ME1: variants seen among roughly 807,000 people sequenced by gnomAD.
The protein encoded by ME1 is NADP-dependent malic enzyme.
In ME1, 74 loss-of-function variants were observed where a neutral mutation model predicts 66.4. That is an observed-to-expected ratio of 1.11 (90% confidence interval 0.92 to 1.35). The LOEUF is 1.35. Among genes scored for constraint, ME1 ranks in the 40% most tolerant of loss-of-function variants. The pLI, the probability that ME1 is intolerant of heterozygous loss-of-function variation, is 0.00. For synonymous variants in ME1, 251 were observed against 235.6 expected, an observed-to-expected ratio of 1.07 and a Z score of -0.60; for missense variants, 750 against 694.1, an observed-to-expected ratio of 1.08 and a Z score of -0.90.
rs547916972 is a variant in ME1 at position 83,225,736 on chromosome 6, C to A, written c.1275+1599G>T. On this transcript the variant is annotated intron_variant, in intron 11 of 13. Coordinates refer to ENST00000369705, the MANE Select transcript of ME1 (RefSeq NM_002395.6). ...AAAACATTTTGTTATAAACAACTTT[C>A]TAATGTAACTAAATTATTACTTCAT... is the stretch of plus-strand genomic sequence containing the variant. Among the ~76,000 whole-genome samples, 19 of 150,616 alleles carry A rather than the reference C, an allele frequency of 1.3e-4. No individual in the cohort carries two copies. The South Asian group carries it at 4.0e-3, about 31-fold the overall frequency.
chr6:83,418,766 C>T (rs906659912), intron 1 of ME1, among the ~76,000 whole-genome samples: 1 of 152,024 alleles, frequency 6.6e-6, no homozygotes, highest in African/African-American at 2.4e-5. Flanking sequence ...AAGAGCTTAA[C>T]AGGATATTAT....
At chr6:83,319,210 G>A (rs1262548686) in intron 5 of ME1, among the ~76,000 whole-genome samples, 3 of 151,116 alleles carry the variant, frequency 2.0e-5, no homozygotes, top group African/African-American at 2.4e-5. Context: ...GCTAGATGAC[G>A]AGTTAGTGGG....
intron 7 of ME1, among the ~76,000 whole-genome samples, chr6:83,246,256 C>A (rs1790620540): frequency 6.6e-6 from 1 of 151,986 alleles, no homozygotes; most frequent in African/African-American, 2.4e-5. Context: ...ACAATTGTGC[C>A]ATGTTTGATC....
rs556264306 is a variant in ME1, at chr6:83,305,913, T to A, written c.704+9397A>T. Among the ~76,000 whole-genome samples the A allele has an allele frequency of 7.9e-5, 12 of 152,302 alleles. No homozygotes were observed. The South Asian group carries it at 2.5e-3, about 32-fold the overall frequency. On this transcript the variant is annotated intron_variant, in intron 6 of 13. Transcript: ENST00000369705. ...TATGTACTTCATTCTAATATTGTTA[T>A]AAGATTTCCCCAAACCAGCCACATA...
intron 2 of ME1, among the ~76,000 whole-genome samples, chr6:83,403,896 G>A (rs574853745): frequency 3.3e-5 from 5 of 152,156 alleles, no homozygotes; most frequent in Non-Finnish European, 5.9e-5. Context: ...CATCCAGTCA[G>A]TCTATCATTG....
Position 83,299,421 on chromosome 6 carries a change from G to A in ME1, c.704+15889C>T, listed in dbSNP as rs556719530. Among the ~76,000 whole-genome samples the A allele has an allele frequency of 2.6e-5, 4 of 151,608 alleles. No individual in the cohort carries two copies. In the South Asian group the frequency reaches 6.2e-4, roughly 24 times the overall value. The stretch of plus-strand genomic sequence containing the variant: ...GCATTCGTCTATTTTTGGTGTATAG[G>A]AATGCTTGTGAATTTTGCACACTGA... On this transcript the variant is annotated intron_variant, in intron 6 of 13. Transcript: ENST00000369705.
At chr6:83,226,979 T>C (rs995917881) in intron 11 of ME1, among the ~76,000 whole-genome samples, 9 of 152,170 alleles carry the variant, frequency 5.9e-5, no homozygotes, top group African/African-American at 1.7e-4. Context: ...TGGTTTTACA[T>C]TGTATGCTTC....
intron 3 of ME1, chr6:83,392,374 C>G: frequency 1.9e-6 from 1 of 513,612 alleles, no homozygotes; most frequent in Non-Finnish European, 3.8e-6. Context: ...AGAACAACAG[C>G]TGCATCTTCT....
At chr6:83,247,692 A>G (rs1790650076) in intron 7 of ME1, among the ~76,000 whole-genome samples, 2 of 152,170 alleles carry the variant, frequency 1.3e-5, no homozygotes, top group South Asian at 2.1e-4. Flanking sequence ...TGGTAAGAAC[A>G]TAAGGTTAAA....
At chr6:83,273,176 C>CAAAAAA (rs67482208) in intron 6 of ME1, among the ~76,000 whole-genome samples, 1 of 70,156 alleles carries the variant, frequency 1.4e-5, no homozygotes, top group African/African-American at 5.1e-5. Context: ...GACTCTGCCT[C>CAAAAAA]AAAAAAAAAA....
intron 3 of ME1, among the ~76,000 whole-genome samples, chr6:83,353,054 C>A (rs781379746): frequency 6.6e-6 from 1 of 152,150 alleles, no homozygotes; most frequent in Non-Finnish European, 1.5e-5. Context: ...AAATCATAAA[C>A]CTTCCATAGG....
chr6:83,291,936 C>T (rs182332678), intron 6 of ME1, among the ~76,000 whole-genome samples: 6 of 152,102 alleles, frequency 3.9e-5, no homozygotes, highest in East Asian at 3.9e-4. Context: ...GTGTTTGCTT[C>T]GCGAAGTTCT....
rs535376756 is a variant in ME1 at position 83,313,762 on chromosome 6, A to G, written c.704+1548T>C. Among the ~76,000 whole-genome samples the G allele has an allele frequency of 1.8e-3, 239 of 131,084 alleles. 2 individuals are homozygous for G. Among genetic ancestry groups the G allele is most frequent in the African/African-American group, 6.1e-3 (216 of 35,502 alleles). 86.0% of individuals were successfully genotyped at this position (131,084 alleles called of 152,430 possible). ...TATTAGAAATTAACTGTATTATGTG[A>G]TCTCAAACTGCAGAGTTTCTCAACT... On this transcript the variant is annotated intron_variant, in intron 6 of 13. Coordinates refer to ENST00000369705, the MANE Select transcript of ME1 (RefSeq NM_002395.6).
At chr6:83,356,846 A>G (rs188927903) in intron 3 of ME1, among the ~76,000 whole-genome samples, 1 of 152,310 alleles carries the variant, frequency 6.6e-6, no homozygotes, top group Non-Finnish European at 1.5e-5. Flanking sequence ...ATTCTCCTAC[A>G]TAATCTTAAC....
At chr6:83,284,250 C>T (rs1767357321) in intron 6 of ME1, among the ~76,000 whole-genome samples, 2 of 151,966 alleles carry the variant, frequency 1.3e-5, no homozygotes, top group East Asian at 1.9e-4. Flanking sequence ...AAAAACCCTA[C>T]CAACCAAAAA....
intron 7 of ME1, among the ~76,000 whole-genome samples, chr6:83,241,430 TAGAC>T (rs1195890402): frequency 4.6e-5 from 7 of 152,174 alleles, no homozygotes; most frequent in East Asian, 3.9e-4. Context: ...TACGGTCAGA[TAGAC>T]AGAAAATATT....
chr6:83,390,680 A>G (rs532562626), intron 3 of ME1, among the ~76,000 whole-genome samples: 1 of 152,296 alleles, frequency 6.6e-6, no homozygotes, highest in East Asian at 1.9e-4. Context: ...ATGGATTTAG[A>G]AACTTTGCTT....
chr6:83,291,150 G>C (rs1246972843), intron 6 of ME1, among the ~76,000 whole-genome samples: 1 of 152,142 alleles, frequency 6.6e-6, no homozygotes, highest in East Asian at 1.9e-4. Context: ...GTGTGAATTT[G>C]ATCCTGTCAT....
intron 8 of ME1, among the ~76,000 whole-genome samples, chr6:83,238,943 C>G (rs1790461506): frequency 6.6e-6 from 1 of 151,458 alleles, no homozygotes; most frequent in South Asian, 2.1e-4. Context: ...ATTATTATTA[C>G]AGGAGTCTAG....
Sources: allele counts gnomAD v4.1 joint callset (sites outside exome capture counted in the v4.1 genomes callset), GRCh38; gene constraint gnomAD v4.1.1; transcripts MANE v1.5; gene names NCBI Gene and HGNC (gene_info 2026-07-23, HGNC 2026-07-21).